Variants in RPSA2 observed in about 807,000 individuals in gnomAD.
The protein encoded by RPSA2 is small ribosomal subunit protein uS2B.
the RPSA2 span, among the ~76,000 whole-genome samples, chr19:23,761,927 T>TCTTTCCTTCC: frequency 1.6e-5 from 1 of 62,354 alleles, no homozygotes; most frequent in African/African-American, 7.1e-5. Flanking sequence ...TTTCTTTTTT[T>TCTTTCCTTCC]TTTTTTTTGA....
the RPSA2 span, chr19:23,818,079 G>A: frequency 6.6e-6 from 1 of 152,148 alleles, no homozygotes; most frequent in African/African-American, 2.4e-5. Flanking sequence ...TTCCCCCTTT[G>A]ACGCTTTTTA....
At chr19:23,836,766 GT>G in the RPSA2 span, among the ~76,000 whole-genome samples, 1 of 152,126 alleles carries the variant, frequency 6.6e-6, no homozygotes, top group African/African-American at 2.4e-5. Flanking sequence ...CTGATCATTA[GT>G]GATGTTGAGC....
chr19:23,823,814 A>T, the RPSA2 span: 1 of 152,452 alleles, frequency 6.6e-6, no homozygotes, highest in African/African-American at 2.4e-5. Flanking sequence ...TGGGAGGGGC[A>T]CTGGGTTGTG....
At chr19:23,865,280 AGTT>A in the RPSA2 span, among the ~76,000 whole-genome samples, 6 of 152,236 alleles carry the variant, frequency 3.9e-5, no homozygotes, top group African/African-American at 1.4e-4. Flanking sequence ...AGTTGCCTAA[AGTT>A]GTGTTGAAAC....
the RPSA2 span, among the ~76,000 whole-genome samples, chr19:23,868,903 C>T: frequency 6.6e-6 from 1 of 152,116 alleles, no homozygotes; most frequent in Non-Finnish European, 1.5e-5. Context: ...GACAGAAGGC[C>T]AACTGGAGTC....
chr19:23,827,183 C>T, the RPSA2 span: 28 of 976,610 alleles, frequency 2.9e-5, no homozygotes, highest in East Asian at 3.9e-4. Flanking sequence ...CCTTGATGTC[C>T]TGCAAATGAA....
the RPSA2 span, among the ~76,000 whole-genome samples, chr19:23,762,025 C>A: frequency 6.6e-6 from 1 of 150,606 alleles, no homozygotes; most frequent in Non-Finnish European, 1.5e-5. Context: ...GCAAGCAGTT[C>A]TCCTGCCTCA....
At chr19:23,843,712 A>C in the RPSA2 span, among the ~76,000 whole-genome samples, 1 of 152,186 alleles carries the variant, frequency 6.6e-6, no homozygotes, top group Non-Finnish European at 1.5e-5. Context: ...AACATCAATG[A>C]CATGTTACTT....
chr19:23,839,487 T>A, the RPSA2 span, among the ~76,000 whole-genome samples: 6 of 152,244 alleles, frequency 3.9e-5, no homozygotes, highest in Non-Finnish European at 7.4e-5. Context: ...TCTGTTTCCA[T>A]GTGGAGGGCA....
chr19:23,837,916 G>C, the RPSA2 span, among the ~76,000 whole-genome samples: 1 of 152,064 alleles, frequency 6.6e-6, no homozygotes, highest in Non-Finnish European at 1.5e-5. Context: ...TTGACTTCCT[G>C]TTTACTGATT....
chr19:23,838,532 A>C, the RPSA2 span, among the ~76,000 whole-genome samples: 1 of 151,902 alleles, frequency 6.6e-6, no homozygotes, highest in African/African-American at 2.4e-5. Context: ...TTTGCTGTGA[A>C]TCTGTTGGAT....
the RPSA2 span, among the ~76,000 whole-genome samples, chr19:23,825,681 G>T: frequency 6.6e-5 from 10 of 152,148 alleles, no homozygotes. Context: ...CTGCCTCCTG[G>T]GTTGAAATGA....
At chr19:23,833,041 G>A in the RPSA2 span, 4 of 1,365,052 alleles carry the variant, frequency 2.9e-6, no homozygotes, top group Non-Finnish European at 3.8e-6. Flanking sequence ...AATTCATACT[G>A]GAAAGAAACC....
At chr19:23,764,704 T>G in the RPSA2 span, among the ~76,000 whole-genome samples, 1 of 151,738 alleles carries the variant, frequency 6.6e-6, no homozygotes, top group East Asian at 1.9e-4. Context: ...GGTCTTGAAC[T>G]CCTGACCTCA....
the RPSA2 span, among the ~76,000 whole-genome samples, chr19:23,760,715 A>G: frequency 6.8e-6 from 1 of 147,600 alleles, no homozygotes; most frequent in South Asian, 2.1e-4. Flanking sequence ...CCCAGGCTGG[A>G]GTGCAATGGT....
At chr19:23,832,940 A>G in the RPSA2 span, 22 of 1,508,198 alleles carry the variant, frequency 1.5e-5, no homozygotes, top group East Asian at 5.3e-5. Context: ...TTTACTAAAC[A>G]TAAGGTAATT....
the RPSA2 span, among the ~76,000 whole-genome samples, chr19:23,851,161 A>G: frequency 3.3e-5 from 5 of 152,150 alleles, no homozygotes; most frequent in Non-Finnish European, 7.3e-5. Context: ...TACATATGAA[A>G]ATCTTGCAAA....
the RPSA2 span, among the ~76,000 whole-genome samples, chr19:23,845,235 G>C: frequency 7.5e-6 from 1 of 133,256 alleles, no homozygotes; most frequent in Admixed American, 8.1e-5. Flanking sequence ...CATTCTTATA[G>C]TTTTTGGTTT....
the RPSA2 span, among the ~76,000 whole-genome samples, chr19:23,826,810 C>T: frequency 3.9e-5 from 6 of 152,064 alleles, no homozygotes; most frequent in South Asian, 4.2e-4. Context: ...CTCAGCCTCC[C>T]GAGTAGCTGG....
Sources: allele counts gnomAD v4.1 joint callset (sites outside exome capture counted in the v4.1 genomes callset), GRCh38; gene constraint gnomAD v4.1.1; transcripts MANE v1.5; gene names NCBI Gene and HGNC (gene_info 2026-07-23, HGNC 2026-07-21).